Variants in RALYL observed in about 807,000 individuals in gnomAD.
RALYL encodes RNA-binding Raly-like protein.
RALYL carries 29 observed loss-of-function variants against 35.1 expected under a neutral mutation model. The observed-to-expected ratio is 0.83, with a 90% CI of 0.61 to 1.13. RALYL has a LOEUF of 1.13. RALYL is among the 50% of genes most tolerant of loss of function. RALYL has a pLI of 0.00. For synonymous variants in RALYL, 120 were observed against 127.6 expected (o/e 0.94, Z 0.40); for missense variants, 359 against 360.4 (o/e 1.00, Z 0.03).
chr8:84,230,872 G>A (rs544953121), intron 1 of RALYL, among the ~76,000 whole-genome samples: 10 of 152,312 alleles, frequency 6.6e-5, no homozygotes, highest in South Asian at 2.1e-4. Context: ...ATTAAATAGC[G>A]CAGTTGGTAC....
rs113319095 is a variant in RALYL at position 84,682,099 on chromosome 8, A to T, written c.257-92480A>T. ...CTTTTCTGCATCTATTGAGATGATC[A>T]TGTGGCTTTTGTCTTTGGTTCTGTT... On this transcript the variant is annotated intron_variant, in intron 2 of 8. Transcript: ENST00000521268. Among the ~76,000 whole-genome samples the T allele has an allele frequency of 6.0e-3, 909 of 152,266 alleles. 7 individuals are homozygous for T. The highest frequency in any genetic ancestry group is 0.021 in the African/African-American group (853 of 41,548).
intron 1 of RALYL, among the ~76,000 whole-genome samples, chr8:84,270,219 A>G (rs1389843814): frequency 1.3e-5 from 2 of 152,218 alleles, no homozygotes; most frequent in African/African-American, 4.8e-5. Flanking sequence ...GTGCATTGTG[A>G]TCAATGACAG....
chr8:84,615,570 CTTTTTTTTTTTTTTTT>C (rs60428128), intron 2 of RALYL, among the ~76,000 whole-genome samples: 2 of 67,364 alleles, frequency 3.0e-5, no homozygotes, highest in South Asian at 6.1e-4. Context: ...GAACTTTCGT[CTTTTTTTTTTTTTTTT>C]TTTTTTTTTT....
At chr8:84,301,782 G>C (rs941006456) in intron 1 of RALYL, among the ~76,000 whole-genome samples, 3 of 151,888 alleles carry the variant, frequency 2.0e-5, no homozygotes, top group African/African-American at 7.2e-5. Flanking sequence ...TAGAAACATT[G>C]AGAAAGTGTT....
chr8:84,269,287 C>G (rs2131914150), intron 1 of RALYL, among the ~76,000 whole-genome samples: 1 of 152,198 alleles, frequency 6.6e-6, no homozygotes, highest in African/African-American at 2.4e-5. Flanking sequence ...GGACTGGTGG[C>G]CACTAGTGCC....
chr8:84,455,491 C>T (rs2050030103), intron 1 of RALYL, among the ~76,000 whole-genome samples: 1 of 151,962 alleles, frequency 6.6e-6, no homozygotes, highest in Non-Finnish European at 1.5e-5. Flanking sequence ...AGAATTATCC[C>T]AAATTGCTCA....
intron 1 of RALYL, among the ~76,000 whole-genome samples, chr8:84,346,928 G>A (rs913640028): frequency 8.5e-5 from 13 of 152,110 alleles, no homozygotes; most frequent in East Asian, 3.9e-4. Flanking sequence ...GGCCAGGCAC[G>A]GTGGTTCACA....
At chr8:84,611,939 A>AT (rs1818397727) in intron 2 of RALYL, among the ~76,000 whole-genome samples, 1 of 151,880 alleles carries the variant, frequency 6.6e-6, no homozygotes, top group East Asian at 1.9e-4. Context: ...GGATGTGAAC[A>AT]TTTTTTTCTG....
intron 2 of RALYL, among the ~76,000 whole-genome samples, chr8:84,701,586 A>G (rs1044205909): frequency 6.6e-6 from 1 of 152,182 alleles, no homozygotes; most frequent in African/African-American, 2.4e-5. Flanking sequence ...GATACATTTG[A>G]TCTTCTGGAA....
intron 8 of RALYL, among the ~76,000 whole-genome samples, chr8:84,890,168 G>C (rs1474694817): frequency 6.6e-6 from 1 of 152,184 alleles, no homozygotes; most frequent in Admixed American, 6.6e-5. Flanking sequence ...AGTAGAGAGA[G>C]AGAACTTGGT....
At chr8:84,436,034 T>C (rs1386371390) in intron 1 of RALYL, among the ~76,000 whole-genome samples, 1 of 152,142 alleles carries the variant, frequency 6.6e-6, no homozygotes. Flanking sequence ...ATCTCAGAAG[T>C]CACCTCTAAA....
At chr8:84,220,881 A>G (rs1822041102) in intron 1 of RALYL, among the ~76,000 whole-genome samples, 1 of 151,954 alleles carries the variant, frequency 6.6e-6, no homozygotes, top group Non-Finnish European at 1.5e-5. Context: ...CTTTATTAAT[A>G]TAAACTATAC....
At chr8:84,390,053 AGG>A (rs1860260703) in intron 1 of RALYL, among the ~76,000 whole-genome samples, 1 of 152,132 alleles carries the variant, frequency 6.6e-6, no homozygotes, top group Non-Finnish European at 1.5e-5. Context: ...TTTTGCATGA[AGG>A]GCTGTTGAAT....
chr8:84,918,894 C>G (rs531991774), intron 8 of RALYL, among the ~76,000 whole-genome samples: 4 of 152,130 alleles, frequency 2.6e-5, no homozygotes, highest in African/African-American at 9.6e-5. Flanking sequence ...ATCTACCTTT[C>G]TTTCCCCAAT....
intron 1 of RALYL, among the ~76,000 whole-genome samples, chr8:84,414,763 T>C (rs1004366571): frequency 4.6e-5 from 7 of 152,236 alleles, no homozygotes; most frequent in Admixed American, 1.3e-4. Flanking sequence ...GCTTATACTT[T>C]ATTTTTCCTC....
intron 2 of RALYL, among the ~76,000 whole-genome samples, chr8:84,763,349 G>T (rs1813138817): frequency 6.6e-6 from 1 of 152,156 alleles, no homozygotes; most frequent in African/African-American, 2.4e-5. Flanking sequence ...TTACCAACAG[G>T]ATATTCTTTA....
At chr8:84,306,283 C>A (rs937332322) in intron 1 of RALYL, among the ~76,000 whole-genome samples, 3 of 152,002 alleles carry the variant, frequency 2.0e-5, no homozygotes, top group African/African-American at 7.3e-5. Flanking sequence ...AATATTTTTG[C>A]TACAATTAGT....
intron 2 of RALYL, among the ~76,000 whole-genome samples, chr8:84,538,918 A>C (rs1299760000): frequency 6.6e-6 from 1 of 152,232 alleles, no homozygotes; most frequent in Non-Finnish European, 1.5e-5. Flanking sequence ...AATGTGGATT[A>C]TAATAAGGCC....
chr8:84,268,037 T>A (rs2131897254), intron 1 of RALYL, among the ~76,000 whole-genome samples: 1 of 152,314 alleles, frequency 6.6e-6, no homozygotes, highest in Admixed American at 6.5e-5. Context: ...CATTAAAGAA[T>A]AGGTAATAAA....
Sources: allele counts gnomAD v4.1 joint callset (sites outside exome capture counted in the v4.1 genomes callset), GRCh38; gene constraint gnomAD v4.1.1; transcripts MANE v1.5; gene names NCBI Gene and HGNC (gene_info 2026-07-23, HGNC 2026-07-21).